KCNH5: variants seen among roughly 807,000 people sequenced by gnomAD.
The protein encoded by KCNH5 is potassium voltage-gated channel subfamily H member 5, also known as voltage-gated delayed rectifier potassium channel KCNH5.
Under a neutral mutation model 96.1 loss-of-function variants are expected in KCNH5, and 46 were observed. That is an observed-to-expected ratio of 0.48 (90% CI 0.38 to 0.61). KCNH5 has a LOEUF of 0.61. KCNH5 is among the 20% of genes least tolerant of loss of function. The probability of loss-of-function intolerance (pLI) is 0.00; values close to 1 mark genes in which losing one functional copy is unlikely to be tolerated. For synonymous variants in KCNH5, 439 were observed against 449.8 expected, an observed-to-expected ratio of 0.98 and a Z score of 0.30; for missense variants, 907 against 1,225.8, an observed-to-expected ratio of 0.74 and a Z score of 3.88.
intron 1 of KCNH5, among the ~76,000 whole-genome samples, chr14:63,036,854 G>A (rs1891731253): frequency 6.6e-6 from 1 of 152,056 alleles, no homozygotes. Flanking sequence ...ATGGTGGAGA[G>A]GGTAGGGGAA....
At chr14:62,919,501 C>A (rs569626318) in intron 7 of KCNH5, among the ~76,000 whole-genome samples, 7 of 152,184 alleles carry the variant, frequency 4.6e-5, no homozygotes, top group African/African-American at 1.7e-4. Context: ...TTGAAAAAGG[C>A]TGCCTTACCA....
Position 62,977,440 on chromosome 14 carries a change from G to A in KCNH5, c.942+3432C>T, listed in dbSNP as rs148094846. 6.6e-4 allele frequency among the ~76,000 whole-genome samples: 101 copies of A among 152,156 alleles called. 1 individual carries two copies. Among genetic ancestry groups the A allele is most frequent in the African/African-American group, 2.4e-3 (98 of 41,498 alleles). ...CAAAAGGATGATATATTGTGAGAAT[G>A]AGGTGATGAAAATGGTGCATTTAAA... is the stretch of plus-strand genomic sequence containing the variant. On this transcript the variant is annotated intron_variant, in intron 6 of 10. Coordinates refer to ENST00000322893, the MANE Select transcript of KCNH5 (RefSeq NM_139318.5).
chr14:62,947,820 AT>A (rs534191695), intron 7 of KCNH5, among the ~76,000 whole-genome samples: 3 of 151,802 alleles, frequency 2.0e-5, no homozygotes, highest in African/African-American at 7.2e-5. Flanking sequence ...TTATTTATTT[AT>A]TTATTTATTT....
chr14:62,751,493 C>T (rs528246882), intron 10 of KCNH5, among the ~76,000 whole-genome samples: 10 of 152,322 alleles, frequency 6.6e-5, no homozygotes, highest in African/African-American at 1.7e-4. Context: ...CTGGCTATTT[C>T]GGCCATCATT....
At chr14:62,751,109 GA>G (rs1314788599) in intron 10 of KCNH5, among the ~76,000 whole-genome samples, 2 of 152,174 alleles carry the variant, frequency 1.3e-5, no homozygotes, top group Non-Finnish European at 2.9e-5. Flanking sequence ...AACAAAGCCT[GA>G]TATTTATTCA....
At chr14:62,890,393 C>A (rs1394865637) in intron 7 of KCNH5, among the ~76,000 whole-genome samples, 1 of 152,048 alleles carries the variant, frequency 6.6e-6, no homozygotes, top group Non-Finnish European at 1.5e-5. Context: ...GAAAAACAAC[C>A]CCATTAAAAA....
At chr14:62,924,053 T>C (rs1889427238) in intron 7 of KCNH5, among the ~76,000 whole-genome samples, 1 of 151,854 alleles carries the variant, frequency 6.6e-6, no homozygotes, top group Non-Finnish European at 1.5e-5. Flanking sequence ...TGGGAGGAAA[T>C]ATTTGCAAAC....
chr14:62,870,596 C>T (rs940569610), intron 7 of KCNH5, among the ~76,000 whole-genome samples: 3 of 151,938 alleles, frequency 2.0e-5, no homozygotes, highest in Non-Finnish European at 2.9e-5. Flanking sequence ...TTTTTCTAGC[C>T]TTCAGATGTA....
chr14:62,965,723 T>C (rs887027255), intron 6 of KCNH5, among the ~76,000 whole-genome samples: 10 of 152,154 alleles, frequency 6.6e-5, no homozygotes, highest in African/African-American at 1.9e-4. Flanking sequence ...AATTTAACAA[T>C]TGATCTAGTG....
chr14:62,796,726 A>G (rs1886550002), intron 9 of KCNH5, among the ~76,000 whole-genome samples: 1 of 152,196 alleles, frequency 6.6e-6, no homozygotes, highest in Non-Finnish European at 1.5e-5. Flanking sequence ...TCCTGACGAC[A>G]TGTGCCCAAC....
chr14:62,801,984 G>A (rs570147504), intron 9 of KCNH5, among the ~76,000 whole-genome samples: 7 of 152,152 alleles, frequency 4.6e-5, no homozygotes, highest in Admixed American at 4.6e-4. Context: ...GCCCTTCTGA[G>A]ACTAACACCC....
At chr14:62,955,940 C>G (rs1165018845) in intron 6 of KCNH5, among the ~76,000 whole-genome samples, 1 of 152,168 alleles carries the variant, frequency 6.6e-6, no homozygotes, top group Non-Finnish European at 1.5e-5. Flanking sequence ...CACTCAGACC[C>G]AGTCCTTCAG....
At chr14:62,937,598 T>C (rs923121715) in intron 7 of KCNH5, among the ~76,000 whole-genome samples, 1 of 152,066 alleles carries the variant, frequency 6.6e-6, no homozygotes, top group Non-Finnish European at 1.5e-5. Context: ...TGAAGATGAG[T>C]GGTCATAGGT....
intron 7 of KCNH5, among the ~76,000 whole-genome samples, chr14:62,935,673 C>T (rs1484339719): frequency 1.3e-5 from 2 of 152,182 alleles, no homozygotes; most frequent in Non-Finnish European, 2.9e-5. Context: ...CCACCCTCCT[C>T]TGAAATCTCA....
chr14:63,006,421 T>G lies in KCNH5; in HGVS notation c.249A>C (p.Gln83His), dbSNP rs1051611713. 1.2e-6 allele frequency: 2 copies of G among 1,613,192 alleles called. No homozygotes were observed. Among genetic ancestry groups the G allele is most frequent in the East Asian group, 4.5e-5 (2 of 44,842 alleles). The part of the protein sequence containing the change: ...TDKKTIEKVR[Q>H]TFDNYESNCF... Reference sequence around the variant, plus strand: ...AGTTTGATTCGTAGTTGTCAAAAGTTTGCCTGACTTTCTCAATGGTCTTCT... The same window carrying G: ...AGTTTGATTCGTAGTTGTCAAAAGTGTGCCTGACTTTCTCAATGGTCTTCT... The change falls in exon 3 of 11, where the codon CAA becomes CAC. Residue 83 changes from glutamine to histidine, a missense_variant. Coordinates refer to ENST00000322893, the MANE Select transcript of KCNH5 (RefSeq NM_139318.5).
At chr14:62,942,943 A>T (rs2140124565) in intron 7 of KCNH5, among the ~76,000 whole-genome samples, 1 of 152,282 alleles carries the variant, frequency 6.6e-6, no homozygotes, top group South Asian at 2.1e-4. Flanking sequence ...AATTTACCAA[A>T]GCAGACAATA....
intron 7 of KCNH5, among the ~76,000 whole-genome samples, chr14:62,900,360 A>G (rs927722167): frequency 6.6e-6 from 1 of 152,220 alleles, no homozygotes; most frequent in Non-Finnish European, 1.5e-5. Flanking sequence ...ACCAATGAAT[A>G]GCTTAAGCAA....
intron 10 of KCNH5, among the ~76,000 whole-genome samples, chr14:62,763,389 G>A (rs1885794699): frequency 6.6e-6 from 1 of 151,538 alleles, no homozygotes; most frequent in Non-Finnish European, 1.5e-5. Flanking sequence ...GCCTAAGGCA[G>A]TGTTAAAAGA....
chr14:62,759,673 A>G (rs1223820526), intron 10 of KCNH5, among the ~76,000 whole-genome samples: 2 of 151,450 alleles, frequency 1.3e-5, no homozygotes, highest in South Asian at 2.1e-4. Flanking sequence ...CTCTCTTTCA[A>G]TATTATCTGA....
Sources: gnomAD v4.1 joint callset for allele counts (sites outside exome capture counted in the v4.1 genomes callset) on GRCh38, gnomAD v4.1.1 for gene constraint, MANE v1.5 for transcripts, NCBI Gene and HGNC (gene_info 2026-07-23, HGNC 2026-07-21) for gene names.